AKT3: variants seen among roughly 807,000 people sequenced by gnomAD.
AKT3 encodes AKT serine/threonine kinase 3, also known as RAC-gamma serine/threonine-protein kinase.
Under a neutral mutation model 65.3 loss-of-function variants are expected in AKT3, and 15 were observed. That is an observed-to-expected ratio of 0.23 (90% CI 0.15 to 0.35). The LOEUF is 0.35. AKT3 is among the 10% of genes least tolerant of loss of function. The pLI is 1.00. For synonymous variants in AKT3, 206 were observed against 183.8 expected (o/e 1.12, Z -0.98); for missense variants, 243 against 576.5 (o/e 0.42, Z 5.92).
intron 2 of AKT3, among the ~76,000 whole-genome samples, chr1:243,807,790 G>C (rs1475153572): frequency 2.0e-5 from 3 of 152,164 alleles, no homozygotes; most frequent in Non-Finnish European, 2.9e-5. Flanking sequence ...CCCCAGTAGG[G>C]GCAGACTGAC....
chr1:243,837,140 A>T (rs1247299210), intron 2 of AKT3, among the ~76,000 whole-genome samples: 1 of 152,030 alleles, frequency 6.6e-6, no homozygotes, highest in East Asian at 1.9e-4. Context: ...TGGGCAATGG[A>T]GCAAATCTTG....
chr1:243,522,904 T>C (rs1369749888), intron 12 of AKT3, among the ~76,000 whole-genome samples: 2 of 152,198 alleles, frequency 1.3e-5, no homozygotes, highest in African/African-American at 4.8e-5. Flanking sequence ...TCTCTCTCTC[T>C]GTCCAGGTTC....
rs34770085 is a variant in AKT3, at chr1:243,748,353, T to TA, written c.47-52638dup. ...TTGAACAGAAAACAAGAATGGGACT[T>TA]AAAAAAAAAAACAAGAGTTGGATAG... On this transcript the variant is annotated intron_variant, in intron 2 of 13. Transcript: ENST00000673466. Among the ~76,000 whole-genome samples the TA allele has an allele frequency of 1.7e-4, 25 of 150,046 alleles. No homozygotes were observed. The East Asian group carries it at 1.8e-3, about 11-fold the overall frequency.
intron 2 of AKT3, among the ~76,000 whole-genome samples, chr1:243,771,687 A>T (rs193233420): frequency 7.2e-5 from 11 of 152,092 alleles, no homozygotes; most frequent in Non-Finnish European, 1.5e-4. Context: ...TTAGCTAAAA[A>T]TACCACAAAA....
chr1:243,786,368 A>G (rs1327747298), intron 2 of AKT3, among the ~76,000 whole-genome samples: 3 of 152,184 alleles, frequency 2.0e-5, no homozygotes, highest in Non-Finnish European at 4.4e-5. Flanking sequence ...CTCAACCTAC[A>G]AGTTTGTAAA....
intron 12 of AKT3, 127 bp downstream of exon 12, chr1:243,545,383 T>C (rs1473270662): frequency 3.8e-6 from 2 of 531,900 alleles, no homozygotes; most frequent in Non-Finnish European, 6.4e-6. Context: ...AATAATCACT[T>C]AAATGTCGGT....
intron 3 of AKT3, among the ~76,000 whole-genome samples, chr1:243,667,000 T>C (rs907051733): frequency 8.5e-5 from 13 of 152,192 alleles, no homozygotes; most frequent in Admixed American, 4.6e-4. Context: ...AGCTGTGATT[T>C]GCTGCTGCTG....
intron 8 of AKT3, among the ~76,000 whole-genome samples, chr1:243,596,356 C>T (rs1429468025): frequency 6.6e-6 from 1 of 152,146 alleles, no homozygotes; most frequent in Non-Finnish European, 1.5e-5. Flanking sequence ...ATTTGGCAAA[C>T]TATTTGTAAC....
At chr1:243,584,570 A>C (rs567228365) in intron 8 of AKT3, among the ~76,000 whole-genome samples, 2 of 152,218 alleles carry the variant, frequency 1.3e-5, no homozygotes, top group African/African-American at 4.8e-5. Context: ...ATTGAAAAAC[A>C]CATCAAAAAG....
intron 2 of AKT3, among the ~76,000 whole-genome samples, chr1:243,789,567 TCC>T (rs1691487527): frequency 1.3e-5 from 2 of 152,216 alleles, no homozygotes; most frequent in Admixed American, 1.3e-4. Flanking sequence ...CTCAAAGTCA[TCC>T]ATGAGGGTTG....
At chr1:243,693,618 T>C (rs1268712232) in intron 3 of AKT3, among the ~76,000 whole-genome samples, 5 of 151,958 alleles carry the variant, frequency 3.3e-5, no homozygotes, top group Middle Eastern at 3.2e-3. Flanking sequence ...AGAAACTACA[T>C]AAAGATCAGA....
At chr1:243,620,893 CCT>C (rs1476085193) in intron 6 of AKT3, among the ~76,000 whole-genome samples, 1 of 152,064 alleles carries the variant, frequency 6.6e-6, no homozygotes, top group Non-Finnish European at 1.5e-5. Flanking sequence ...CTTTCTTCTG[CCT>C]CTCTCATACG....
chr1:243,739,810 C>T (rs1688046987), intron 2 of AKT3, among the ~76,000 whole-genome samples: 1 of 152,200 alleles, frequency 6.6e-6, no homozygotes, highest in South Asian at 2.1e-4. Flanking sequence ...ATGCTTTCCC[C>T]AAATCCCGGA....
At chr1:243,750,304 T>C (rs549453723) in intron 2 of AKT3, among the ~76,000 whole-genome samples, 8 of 152,218 alleles carry the variant, frequency 5.3e-5, no homozygotes, top group African/African-American at 1.7e-4. Context: ...TTGTATCATC[T>C]TTAGATGTGT....
chr1:243,551,735 T>A (rs1013605704), intron 11 of AKT3, among the ~76,000 whole-genome samples: 1 of 152,244 alleles, frequency 6.6e-6, no homozygotes, highest in Non-Finnish European at 1.5e-5. Flanking sequence ...GGAAGGCAGA[T>A]ATATCCATAT....
In AKT3 at chr1:243,722,231, G is replaced by T. The variant is rs184757066; in HGVS notation, c.47-26515C>A. Among the ~76,000 whole-genome samples the T allele has an allele frequency of 1.6e-4, 24 of 152,100 alleles. No individual in the cohort carries two copies. The East Asian group carries it at 4.4e-3, about 28-fold the overall frequency. On this transcript the variant is annotated intron_variant, in intron 2 of 13. Transcript: ENST00000673466. The stretch of plus-strand genomic sequence containing the variant: ...GCAAGGACTAGACTGCGAGCTTAAG[G>T]TTTTATTATATTATGCTTACATTTG...
intron 2 of AKT3, among the ~76,000 whole-genome samples, chr1:243,729,530 C>CT (rs1370364396): frequency 1.3e-5 from 2 of 151,994 alleles, no homozygotes; most frequent in African/African-American, 4.8e-5. Context: ...TAACCATATC[C>CT]TTTGAGCCAG....
At chr1:243,825,936 A>G (rs961335356) in intron 2 of AKT3, among the ~76,000 whole-genome samples, 1 of 152,176 alleles carries the variant, frequency 6.6e-6, no homozygotes. Flanking sequence ...GTTCGAGGTC[A>G]GCCTAGCCAA....
intron 2 of AKT3, among the ~76,000 whole-genome samples, chr1:243,755,604 T>C (rs544565166): frequency 5.4e-4 from 82 of 152,310 alleles, no homozygotes; most frequent in Admixed American, 1.5e-3. Context: ...TAAATTATAA[T>C]TACAAAGAAA....
Sources: gnomAD v4.1 joint callset for allele counts (sites outside exome capture counted in the v4.1 genomes callset) on GRCh38, gnomAD v4.1.1 for gene constraint, MANE v1.5 for transcripts, NCBI Gene and HGNC (gene_info 2026-07-23, HGNC 2026-07-21) for gene names.